Variants in RBFOX3 observed in about 807,000 individuals in gnomAD.
RBFOX3 encodes the protein RNA binding fox-1 homolog 3, also known as RNA binding protein fox-1 homolog 3.
RBFOX3 carries 17 observed loss-of-function variants against 48.7 expected under a neutral mutation model. The ratio of observed to expected loss-of-function variants is 0.35; its 90% confidence interval spans 0.24 to 0.52. The LOEUF is 0.52. Ranked by LOEUF, RBFOX3 falls within the 20% of genes least tolerant of loss-of-function variation. The pLI is 0.94. For synonymous variants in RBFOX3, 212 were observed against 209.5 expected, an observed-to-expected ratio of 1.01 and a Z score of -0.10; for missense variants, 382 against 497.5, an observed-to-expected ratio of 0.77 and a Z score of 2.21.
At chr17:79,409,675 C>A (rs2064014218) in intron 2 of RBFOX3, among the ~76,000 whole-genome samples, 1 of 152,222 alleles carries the variant, frequency 6.6e-6, no homozygotes, top group South Asian at 2.1e-4. Flanking sequence ...CTGTGTCTAA[C>A]CCCAGAGCAG....
At chr17:79,166,408 C>G (rs1286646130) in intron 4 of RBFOX3, among the ~76,000 whole-genome samples, 2 of 152,062 alleles carry the variant, frequency 1.3e-5, no homozygotes, top group Admixed American at 6.5e-5. Flanking sequence ...TGGGAATGGC[C>G]GGAGGGGATG....
chr17:79,347,106 A>ACAATT (rs1026023082), intron 2 of RBFOX3, among the ~76,000 whole-genome samples: 16 of 152,334 alleles, frequency 1.1e-4, no homozygotes, highest in African/African-American at 3.6e-4. Flanking sequence ...CATCTGAATG[A>ACAATT]CAATTTGGCT....
chr17:79,399,478 T>C (rs2062499808), intron 2 of RBFOX3, among the ~76,000 whole-genome samples: 1 of 150,964 alleles, frequency 6.6e-6, no homozygotes, highest in African/African-American at 2.4e-5. Context: ...AGGGCAGGGA[T>C]GGTTTTTTTT....
rs1442783791 is a variant in RBFOX3 at position 79,557,925 on chromosome 17, G to A, written c.-320+52901C>T. ...TGTTTGCTGGGGCAAGGGGACGGCC[G>A]GGAGACAGAGGAGACCTGGAGGGAA... On this transcript the variant is annotated intron_variant, in intron 1 of 14. Transcript: ENST00000693108. Among the ~76,000 whole-genome samples, 20 of 152,340 alleles carry A rather than the reference G, an allele frequency of 1.3e-4. No homozygotes were observed. The East Asian group carries it at 3.1e-3, about 23-fold the overall frequency.
At chr17:79,295,546 G>A (rs959653048) in intron 3 of RBFOX3, among the ~76,000 whole-genome samples, 3 of 152,216 alleles carry the variant, frequency 2.0e-5, no homozygotes, top group Non-Finnish European at 4.4e-5. Flanking sequence ...GATGAGCAAT[G>A]CCTGACTCAG....
chr17:79,135,330 C>T (rs189846773), intron 4 of RBFOX3, among the ~76,000 whole-genome samples: 182 of 152,300 alleles, frequency 1.2e-3, no homozygotes, highest in Non-Finnish European at 2.0e-3. Flanking sequence ...AGGAGCCAGG[C>T]CACCTTAAGT....
intron 12 of RBFOX3, among the ~76,000 whole-genome samples, chr17:79,095,909 TGGGTGCTAGGCCTTGGCAAGGAAGA>T (rs952116376): frequency 6.6e-6 from 1 of 152,364 alleles, no homozygotes; most frequent in African/African-American, 2.4e-5. Context: ...CTCATCTGGC[TGGGTGCTAGGCCTTGGCAAGGAAGA>T]GGTGCTCACA....
Position 79,204,013 on chromosome 17 carries a change from G to C in RBFOX3, c.-34+31753C>G, listed in dbSNP as rs1011339266. 6.6e-6 allele frequency among the ~76,000 whole-genome samples: 1 copy of C among 152,164 alleles called. No homozygotes were observed. The highest frequency in any genetic ancestry group is 2.4e-5 in the African/African-American group (1 of 41,414). On this transcript the variant is annotated intron_variant, in intron 4 of 14. Transcript: ENST00000693108. The surrounding 1 kb of genome is among the most constrained non-coding windows in gnomAD (Gnocchi z 4.5). ...TAAATTCCCTGAACGCTCTGGGCTG[G>C]TGGAAGTGGCCCCTTCCATCTTTGC... is the stretch of plus-strand genomic sequence containing the variant.
chr17:79,292,867 A>G (rs1294096660), intron 3 of RBFOX3, among the ~76,000 whole-genome samples: 2 of 152,202 alleles, frequency 1.3e-5, no homozygotes, highest in Non-Finnish European at 2.9e-5. Context: ...AAGCAAACAG[A>G]CTTCGTTTTG....
At chr17:79,145,048 G>A (rs1205286956) in intron 4 of RBFOX3, among the ~76,000 whole-genome samples, 1 of 152,196 alleles carries the variant, frequency 6.6e-6, no homozygotes, top group Non-Finnish European at 1.5e-5. Flanking sequence ...CTGAATCGCA[G>A]CAAGGTGGGG....
Position 79,478,129 on chromosome 17 carries a change from G to A in RBFOX3, c.-175+4325C>T, listed in dbSNP as rs987821242. Among the ~76,000 whole-genome samples the A allele has an allele frequency of 1.1e-3, 164 of 152,338 alleles. 1 individual carries two copies. The highest frequency in any genetic ancestry group is 3.6e-3 in the African/African-American group (148 of 41,588). Reference sequence around the variant, plus strand: ...TTCCCACGGCTCATGCGGGCAGCCTGTGTCTCGGCTCAGCCCTCAAGGGTG... The same window carrying A: ...TTCCCACGGCTCATGCGGGCAGCCTATGTCTCGGCTCAGCCCTCAAGGGTG... On this transcript the variant is annotated intron_variant, in intron 2 of 14. Transcript: ENST00000693108.
At chr17:79,445,835 G>A (rs2072150513) in intron 2 of RBFOX3, among the ~76,000 whole-genome samples, 1 of 152,228 alleles carries the variant, frequency 6.6e-6, no homozygotes, top group African/African-American at 2.4e-5. Flanking sequence ...GCCTTGGGAA[G>A]GTTTTGCAGA....
chr17:79,570,860 CAATAGCTGTGGGTTGCTTTTAAAA>C (rs2092651885), intron 1 of RBFOX3, among the ~76,000 whole-genome samples: 1 of 152,148 alleles, frequency 6.6e-6, no homozygotes, highest in Non-Finnish European at 1.5e-5. Context: ...GCATGCCTTG[CAATAGCTGTGGGTTGCTTTTAAAA>C]AATAGAATGT....
chr17:79,614,112 C>T (rs2093984980), upstream of RBFOX3, among the ~76,000 whole-genome samples: 1 of 152,226 alleles, frequency 6.6e-6, no homozygotes, highest in African/African-American at 2.4e-5. Flanking sequence ...TGAGTCTCGG[C>T]CCAGAGGCAG....
chr17:79,188,632 C>A (rs972815582), intron 4 of RBFOX3, among the ~76,000 whole-genome samples: 1 of 152,220 alleles, frequency 6.6e-6, no homozygotes, highest in Admixed American at 6.5e-5. Flanking sequence ...CGGAGGAATG[C>A]GCTCAGAGAA....
At position 79,129,436 on chromosome 17, in the gene RBFOX3, G is replaced by C. The variant is rs1000497396; in HGVS notation, c.-33-13688C>G. Among the ~76,000 whole-genome samples, 3 of 104,022 alleles carry C rather than the reference G, an allele frequency of 2.9e-5. No homozygotes were observed. The Admixed American group carries it at 3.0e-4, about 10-fold the overall frequency. 68.2% of individuals were successfully genotyped at this position (104,022 alleles called of 152,430 possible). On this transcript the variant is annotated intron_variant, in intron 4 of 14. Transcript: ENST00000693108. ...AAGAGGGTGTGCCCTAGAGACCCAGGGGAGGAAGGAGGGGTGGGCAGCAGG... is the reference window on the plus strand; with the variant it reads ...AAGAGGGTGTGCCCTAGAGACCCAGCGGAGGAAGGAGGGGTGGGCAGCAGG...
At chr17:79,161,450 G>A (rs1446408846) in intron 4 of RBFOX3, among the ~76,000 whole-genome samples, 1 of 152,254 alleles carries the variant, frequency 6.6e-6, no homozygotes, top group Non-Finnish European at 1.5e-5. Flanking sequence ...GCTCCAGGAA[G>A]TGACCTCACC....
In RBFOX3 at chr17:79,477,542, C is replaced by T. The variant is rs565764622; in HGVS notation, c.-175+4912G>A. 7.5e-4 allele frequency among the ~76,000 whole-genome samples: 111 copies of T among 148,520 alleles called. No individual in the cohort carries two copies. In the South Asian group the frequency reaches 0.011, roughly 15 times the overall value. On this transcript the variant is annotated intron_variant, in intron 2 of 14. Coordinates refer to ENST00000693108, the MANE Select transcript of RBFOX3 (RefSeq NM_001350451.2). This position sits in a 1 kb window ranked among gnomAD's most constrained non-coding sequence, Gnocchi z 4.8. ...TCGCACTCCAGCCTGGGCGACAGAGCGAAACTCCGTCACCGGAAAAAAAAA... is the reference window on the plus strand; with the variant it reads ...TCGCACTCCAGCCTGGGCGACAGAGTGAAACTCCGTCACCGGAAAAAAAAA...
intron 3 of RBFOX3, among the ~76,000 whole-genome samples, chr17:79,284,606 C>T (rs1366049560): frequency 1.4e-5 from 2 of 144,152 alleles, no homozygotes; most frequent in East Asian, 2.2e-4. Flanking sequence ...GTGGCTTGAT[C>T]TCGACTTACT....
Sources: gnomAD v4.1 joint callset for allele counts (sites outside exome capture counted in the v4.1 genomes callset) on GRCh38, gnomAD v4.1.1 for gene constraint, Gnocchi (gnomAD v3.1) non-coding constraint, MANE v1.5 for transcripts, NCBI Gene and HGNC (gene_info 2026-07-23, HGNC 2026-07-21) for gene names.